The following LCN12 variants were observed in gnomAD, a reference collection of about 807,000 sequenced individuals.
The protein encoded by LCN12 is lipocalin 12, also known as epididymal-specific lipocalin-12.
LCN12 carries 15 observed loss-of-function variants against 23.7 expected under a neutral mutation model. The ratio of observed to expected loss-of-function variants is 0.63; its 90% confidence interval spans 0.42 to 0.97. The LOEUF is 0.97. Among genes scored for constraint, LCN12 ranks in the 50% least tolerant of loss-of-function variants. LCN12 has a pLI of 0.00. For missense variants in LCN12, 219 were observed against 249.6 expected (o/e 0.88, Z 0.83); for synonymous variants, 116 against 111.5 (o/e 1.04, Z -0.25).
intron 2 of LCN12, 53 bp from the exon 3 acceptor site, chr9:136,953,647 C>T (rs1465650857): frequency 3.7e-5 from 52 of 1,395,006 alleles, no homozygotes; most frequent in Non-Finnish European, 5.1e-5. Context: ...CCCACCTCAG[C>T]ATGGACCTGC....
At chr9:136,949,295 G>A (rs993280456), upstream of LCN12, among the ~76,000 whole-genome samples, 2 of 152,340 alleles carry the variant, frequency 1.3e-5, no homozygotes, top group African/African-American at 4.8e-5. Flanking sequence ...TCTTGCCCAA[G>A]ACCTGCGGGG....
intron 5 of LCN12, 135 bp from the exon 6 acceptor site, chr9:136,955,236 C>G: frequency 6.8e-7 from 1 of 1,477,680 alleles, no homozygotes; most frequent in African/African-American, 1.4e-5. Context: ...CCTAGACCCA[C>G]TGCTGGTCCC....
At chr9:136,952,473 C>T (rs758843117) in intron 1 of LCN12, 32 bp downstream of exon 1, 45 of 1,490,088 alleles carry the variant, frequency 3.0e-5, no homozygotes, top group South Asian at 6.9e-5. Flanking sequence ...GAGAAGCAGC[C>T]GGCTGGGTCT....
At chr9:136,950,981 A>C (rs1339427919), upstream of LCN12, among the ~76,000 whole-genome samples, 1 of 145,790 alleles carries the variant, frequency 6.9e-6, no homozygotes, top group Non-Finnish European at 1.5e-5. Context: ...TGGCCAGGAC[A>C]GGGAATCTGG....
chr9:136,949,825 G>C (rs1851105960), upstream of LCN12, among the ~76,000 whole-genome samples: 1 of 152,188 alleles, frequency 6.6e-6, no homozygotes, highest in South Asian at 2.1e-4. Flanking sequence ...TGGGGGTCCA[G>C]GGTGCTGAGT....
At chr9:136,950,826 CAGCCCTGG>C (rs1288106645), upstream of LCN12, among the ~76,000 whole-genome samples, 2 of 152,196 alleles carry the variant, frequency 1.3e-5, no homozygotes, top group East Asian at 3.9e-4. Context: ...GGACAGAGCC[CAGCCCTGG>C]AGCCCTGAAG....
chr9:136,956,222 G>A (rs1034931755), downstream of LCN12, among the ~76,000 whole-genome samples: 3 of 152,104 alleles, frequency 2.0e-5, no homozygotes, highest in Admixed American at 1.3e-4. Flanking sequence ...CACCCAGGGC[G>A]GCCATGGACC....
At position 136,952,348 on chromosome 9, in the gene LCN12, G is replaced by C. The variant is rs760259859; in HGVS notation, c.21G>C (p.Leu7=). 4 of 1,611,048 alleles carry C rather than the reference G, an allele frequency of 2.5e-6. No homozygotes were observed. The highest frequency in any genetic ancestry group is 3.4e-6 in the Non-Finnish European group (4 of 1,179,034). ...CCAGGATGAGGCTGCTGTGTGGCCT[G>C]TGGCTGTGGCTCTCCTTGCTGAAAG... MRLLCG[L]WLWLSLLKVL... The change falls in exon 1 of 6, where the codon CTG becomes CTC. Residue 7 remains leucine (L), a synonymous_variant. Coordinates refer to ENST00000371633, the MANE Select transcript of LCN12 (RefSeq NM_178536.4).
chr9:136,955,448 A>G lies in LCN12; in HGVS notation c.*49A>G, dbSNP rs370201935. On this transcript the variant is annotated 3_prime_UTR_variant, in exon 6 of 6. Transcript: ENST00000371633. ...CCCAGCCCTGCCTCACAGCTGTGCG[A>G]GCTCTGCCCTCCTCAGCTCTCAAAC... 6.4e-7 allele frequency: 1 copy of G among 1,562,446 alleles called. No homozygotes were observed. Among genetic ancestry groups the G allele is most frequent in the African/African-American group, 1.4e-5 (1 of 73,910 alleles).
chr9:136,955,506 G>C, downstream of LCN12: 1 of 1,249,424 alleles, frequency 8.0e-7, no homozygotes. Flanking sequence ...GAGCCCCAGA[G>C]TGTGACCACT....
rs1027515415 is a variant in LCN12, at chr9:136,953,900, G to A, written c.384G>A (p.Gln128=). The change falls in exon 4 of 6, where the codon CAG becomes CAA. Residue 128 remains glutamine (Q), a synonymous_variant. Coordinates refer to ENST00000371633, the MANE Select transcript of LCN12 (RefSeq NM_178536.4). ...ETRVVDSDYT[Q]FALMLSRRHT... ...GGGTGGTGGACAGCGACTACACCCA[G>A]TTCGCCCTGATGCTGTCCCGCAGAC... The A allele has an allele frequency of 6.2e-7, 1 of 1,611,122 alleles. No homozygotes were observed. The highest frequency in any genetic ancestry group is 8.5e-7 in the Non-Finnish European group (1 of 1,179,360).
upstream of LCN12, among the ~76,000 whole-genome samples, chr9:136,950,412 G>A (rs1425554887): frequency 1.3e-5 from 2 of 152,142 alleles, no homozygotes; most frequent in Non-Finnish European, 1.5e-5. Flanking sequence ...CGAGGACTCG[G>A]CCCACCCGAC....
chr9:136,952,836 C>A, intron 1 of LCN12, 56 bp from the exon 2 acceptor site: 2 of 1,581,882 alleles, frequency 1.3e-6, no homozygotes, highest in Middle Eastern at 2.2e-4. Flanking sequence ...GGGCTCCTGA[C>A]CCTGCCCACT....
intron 5 of LCN12, chr9:136,954,463 C>T (rs1007368568): frequency 1.2e-4 from 80 of 677,576 alleles, no homozygotes; most frequent in Non-Finnish European, 2.0e-4. Context: ...TCCTGGGCCA[C>T]CTCCTCCCAC....
At chr9:136,951,731 C>T (rs1851157037), upstream of LCN12, among the ~76,000 whole-genome samples, 1 of 152,270 alleles carries the variant, frequency 6.6e-6, no homozygotes, top group Non-Finnish European at 1.5e-5. Context: ...CTCGGGCCAC[C>T]TCCACCCCGG....
At chr9:136,955,578 C>T (rs912655475), downstream of LCN12, 2 of 596,928 alleles carry the variant, frequency 3.4e-6, no homozygotes, top group Admixed American at 3.1e-5. Context: ...AGGGCTGCAA[C>T]AGCTCCTTCT....
At chr9:136,950,821 G>C (rs1180717807), upstream of LCN12, among the ~76,000 whole-genome samples, 1 of 152,218 alleles carries the variant, frequency 6.6e-6, no homozygotes, top group Non-Finnish European at 1.5e-5. Flanking sequence ...GCCTGGGACA[G>C]AGCCCAGCCC....
At chr9:136,952,610 C>T in intron 1 of LCN12, 169 bp downstream of exon 1, 1 of 633,484 alleles carries the variant, frequency 1.6e-6, no homozygotes, top group Non-Finnish European at 2.7e-6. Context: ...CAGCGCAGAC[C>T]TTCCTGGCAC....
At chr9:136,949,972 C>T (rs546813420), upstream of LCN12, among the ~76,000 whole-genome samples, 8 of 152,318 alleles carry the variant, frequency 5.3e-5, no homozygotes, top group East Asian at 1.5e-3. Flanking sequence ...GCGTGTGCTG[C>T]CGCGCCCGGC....
Sources: gnomAD v4.1 joint callset for allele counts (sites outside exome capture counted in the v4.1 genomes callset) on GRCh38, gnomAD v4.1.1 for gene constraint, MANE v1.5 for transcripts, NCBI Gene and HGNC (gene_info 2026-07-23, HGNC 2026-07-21) for gene names.